The following DERA variants were observed in gnomAD, a reference collection of about 807,000 sequenced individuals.
The protein encoded by DERA is 2-deoxy-D-ribose 5-phosphate aldolase.
In DERA, 15 loss-of-function variants were observed where a neutral mutation model predicts 41.1. That is an observed-to-expected ratio of 0.37 (90% CI 0.24 to 0.56). DERA has a LOEUF of 0.56. Among genes scored for constraint, DERA ranks in the 20% least tolerant of loss-of-function variants. The probability of loss-of-function intolerance (pLI) is 0.81; values close to 1 mark genes in which losing one functional copy is unlikely to be tolerated. For missense variants in DERA, 396 were observed against 403.4 expected (o/e 0.98, Z 0.16); for synonymous variants, 139 against 137.4 (o/e 1.01, Z -0.08).
chr12:16,030,095 T>C (rs1361943845), intron 6 of DERA, among the ~76,000 whole-genome samples: 1 of 150,302 alleles, frequency 6.7e-6, no homozygotes, highest in Non-Finnish European at 1.5e-5. Context: ...GCTAATTTTT[T>C]TTTTTTTTTT....
Position 15,943,711 on chromosome 12 carries a change from T to TTATG in DERA, c.32-13222_32-13221insGTAT, listed in dbSNP as rs1424795616. 6.8e-6 allele frequency among the ~76,000 whole-genome samples: 1 copy of TTATG among 148,146 alleles called. No homozygotes were observed. Among genetic ancestry groups the TTATG allele is most frequent in the Admixed American group, 6.7e-5 (1 of 14,886 alleles). On this transcript the variant is annotated intron_variant, in intron 1 of 8. Coordinates refer to ENST00000428559, the MANE Select transcript of DERA (RefSeq NM_015954.4). The surrounding 1 kb of genome is among the most constrained non-coding windows in gnomAD (Gnocchi z 4.5). ...TTCTTTTTTATTTTTTAATTTTTAT[T>TTATG]TATTTATTTATTTATTTATTTATTT...
intron 6 of DERA, among the ~76,000 whole-genome samples, chr12:16,022,517 A>G (rs1949023407): frequency 6.6e-6 from 1 of 152,206 alleles, no homozygotes; most frequent in Non-Finnish European, 1.5e-5. Context: ...CCCCACACCT[A>G]ATCTCTAGAC....
At chr12:16,029,568 GT>G (rs912975998) in intron 6 of DERA, among the ~76,000 whole-genome samples, 4 of 150,086 alleles carry the variant, frequency 2.7e-5, no homozygotes, top group African/African-American at 9.8e-5. Context: ...AAATACTGTA[GT>G]TTTTTTTTTC....
chr12:15,978,184 C>G (rs1444171516), intron 5 of DERA, among the ~76,000 whole-genome samples: 1 of 152,164 alleles, frequency 6.6e-6, no homozygotes, highest in Admixed American at 6.5e-5. Flanking sequence ...TGTCATTCAT[C>G]TAGTTTCTGA....
At chr12:15,956,562 A>G (rs1406947806) in intron 1 of DERA, 3 of 363,790 alleles carry the variant, frequency 8.2e-6, no homozygotes, top group African/African-American at 2.1e-5. Flanking sequence ...CCTGGGCTGG[A>G]CACTCACCAG....
intron 6 of DERA, among the ~76,000 whole-genome samples, chr12:16,023,255 C>T (rs1949028084): frequency 6.6e-6 from 1 of 152,010 alleles, no homozygotes; most frequent in African/African-American, 2.4e-5. Flanking sequence ...TTTAGGGAAG[C>T]CCAGAATAAA....
rs531678863 is a variant in DERA at position 15,965,566 on chromosome 12, C to T, written c.508+2619C>T. ...CCCTTCAGAGTGGTCTTAACCATTTCTCATGGATGTGAGAGTCCACAGTTT... is the reference window on the plus strand; with the variant it reads ...CCCTTCAGAGTGGTCTTAACCATTTTTCATGGATGTGAGAGTCCACAGTTT... On this transcript the variant is annotated intron_variant, in intron 5 of 8. Coordinates refer to ENST00000428559, the MANE Select transcript of DERA (RefSeq NM_015954.4). The surrounding 1 kb of genome is among the most constrained non-coding windows in gnomAD (Gnocchi z 4.1). 6.6e-6 allele frequency among the ~76,000 whole-genome samples: 1 copy of T among 152,136 alleles called. No individual in the cohort carries two copies. The highest frequency in any genetic ancestry group is 1.5e-5 in the Non-Finnish European group (1 of 68,022).
In DERA at chr12:16,009,727, G is replaced by A. The variant is rs1253162414; in HGVS notation, c.638-22815G>A. On this transcript the variant is annotated intron_variant, in intron 6 of 8. Transcript: ENST00000428559. The surrounding 1 kb of genome is among the most constrained non-coding windows in gnomAD (Gnocchi z 5.3). ...ATTTAATAACCTTCCTGAAATACAT[G>A]GGAGAAATTATATCTACAATGTAGA... Among the ~76,000 whole-genome samples, 2 of 152,010 alleles carry A rather than the reference G, an allele frequency of 1.3e-5. No individual in the cohort carries two copies. The highest frequency in any genetic ancestry group is 4.8e-5 in the African/African-American group (2 of 41,374).
rs937567318 is a variant in DERA, at chr12:15,988,557, G to T, written c.637+6121G>T. On this transcript the variant is annotated intron_variant, in intron 6 of 8. Transcript: ENST00000428559. This position sits in a 1 kb window ranked among gnomAD's most constrained non-coding sequence, Gnocchi z 6.0. ...TTTTTATATGCTCAGAATGAAGGAAGTGCATGCTGATTGGTCCATGGGCGG... is the reference window on the plus strand; with the variant it reads ...TTTTTATATGCTCAGAATGAAGGAATTGCATGCTGATTGGTCCATGGGCGG... Among the ~76,000 whole-genome samples, 2 of 152,176 alleles carry T rather than the reference G, an allele frequency of 1.3e-5. No individual in the cohort carries two copies. The highest frequency in any genetic ancestry group is 4.8e-5 in the African/African-American group (2 of 41,454).
At position 16,036,592 on chromosome 12, in the gene DERA, G is replaced by T; in HGVS notation, c.901-98G>T. 9.5e-7 allele frequency: 1 copy of T among 1,055,772 alleles called. No individual in the cohort carries two copies. Among genetic ancestry groups the T allele is most frequent in the South Asian group, 1.5e-5 (1 of 65,452 alleles). 65.4% of individuals were successfully genotyped at this position (1,055,772 alleles called of 1,614,324 possible). ...TACTAGTGAGGCTTTCTAATGAAATGTTCATTAAAACTATTTATTATTATT... is the reference window on the plus strand; with the variant it reads ...TACTAGTGAGGCTTTCTAATGAAATTTTCATTAAAACTATTTATTATTATT... On this transcript the variant is annotated intron_variant, in intron 8 of 8. Transcript: ENST00000428559. This position sits in a 1 kb window ranked among gnomAD's most constrained non-coding sequence, Gnocchi z 4.9.
rs1948634149 is a variant in DERA at position 15,967,911 on chromosome 12, C to A, written c.508+4964C>A. On this transcript the variant is annotated intron_variant, in intron 5 of 8. Coordinates refer to ENST00000428559, the MANE Select transcript of DERA (RefSeq NM_015954.4). This position sits in a 1 kb window ranked among gnomAD's most constrained non-coding sequence, Gnocchi z 4.9. ...TCAAATGATTTGCCCCAGCTGCTTT[C>A]CTGACAGGATTAGCATATCCCCCTG... 6.6e-6 allele frequency among the ~76,000 whole-genome samples: 1 copy of A among 152,142 alleles called. No individual in the cohort carries two copies. Among genetic ancestry groups the A allele is most frequent in the Non-Finnish European group, 1.5e-5 (1 of 68,030 alleles).
intron 1 of DERA, among the ~76,000 whole-genome samples, chr12:15,912,646 C>T (rs907367284): frequency 1.3e-5 from 2 of 152,096 alleles, no homozygotes; most frequent in African/African-American, 4.8e-5. Flanking sequence ...ATATTGTGGA[C>T]ACCTAGTAAG....
At chr12:15,973,444 A>C (rs111410621) in intron 5 of DERA, among the ~76,000 whole-genome samples, 2 of 32,154 alleles carry the variant, frequency 6.2e-5, no homozygotes, top group South Asian at 1.7e-3. Flanking sequence ...TATGGCAAGA[A>C]TTGCTTTTTT....
At chr12:15,923,264 C>T (rs1948258565) in intron 1 of DERA, among the ~76,000 whole-genome samples, 1 of 151,732 alleles carries the variant, frequency 6.6e-6, no homozygotes, top group Non-Finnish European at 1.5e-5. Context: ...CCTCGTGATC[C>T]GCCCGCCTCG....
rs1948796698 is a variant in DERA, at chr12:15,990,780, T to G, written c.637+8344T>G. ...ATCCATGTCCCTGCAAAGGATATGA[T>G]CTCATTCTTTTTTTATGGCTGGATA... On this transcript the variant is annotated intron_variant, in intron 6 of 8. Coordinates refer to ENST00000428559, the MANE Select transcript of DERA (RefSeq NM_015954.4). This position sits in a 1 kb window ranked among gnomAD's most constrained non-coding sequence, Gnocchi z 4.3. Among the ~76,000 whole-genome samples the G allele has an allele frequency of 6.6e-6, 1 of 152,186 alleles. No individual in the cohort carries two copies. Among genetic ancestry groups the G allele is most frequent in the Admixed American group, 6.5e-5 (1 of 15,290 alleles).
In DERA at chr12:15,959,953, T is replaced by A; in HGVS notation, c.373+29T>A. The A allele has an allele frequency of 6.7e-7, 1 of 1,491,386 alleles. No homozygotes were observed. The highest frequency in any genetic ancestry group is 9.1e-7 in the Non-Finnish European group (1 of 1,096,528). 92.4% of individuals were successfully genotyped at this position (1,491,386 alleles called of 1,614,324 possible). ...AAATGTGTTGTGGCTTTTGTTGTTA[T>A]TTTTTAAACATGTTTCCAGTTCTTC... On this transcript the variant is annotated intron_variant, in intron 4 of 8. Coordinates refer to ENST00000428559, the MANE Select transcript of DERA (RefSeq NM_015954.4). The surrounding 1 kb of genome is among the most constrained non-coding windows in gnomAD (Gnocchi z 4.5).
chr12:15,916,778 A>T (rs1948203496), intron 1 of DERA, among the ~76,000 whole-genome samples: 1 of 152,036 alleles, frequency 6.6e-6, no homozygotes. Flanking sequence ...GTATTCTTTT[A>T]AAAAATGTTT....
At chr12:15,920,704 A>T (rs1948236895) in intron 1 of DERA, among the ~76,000 whole-genome samples, 1 of 152,188 alleles carries the variant, frequency 6.6e-6, no homozygotes, top group Admixed American at 6.5e-5. Context: ...GTGGTGGCAC[A>T]TGCCTGTAAC....
chr12:15,942,784 C>T (rs1424991025), intron 1 of DERA, among the ~76,000 whole-genome samples: 1 of 152,208 alleles, frequency 6.6e-6, no homozygotes, highest in Non-Finnish European at 1.5e-5. Flanking sequence ...CTCTCACGTG[C>T]TGTGCGACAT....
Sources: gnomAD v4.1 joint callset for allele counts (sites outside exome capture counted in the v4.1 genomes callset) on GRCh38, gnomAD v4.1.1 for gene constraint, Gnocchi (gnomAD v3.1) non-coding constraint, MANE v1.5 for transcripts, NCBI Gene and HGNC (gene_info 2026-07-23, HGNC 2026-07-21) for gene names.